Variants in ATP6V1C2 observed in about 807,000 individuals in gnomAD.
The protein encoded by ATP6V1C2 is ATPase H+ transporting V1 subunit C2.
A neutral mutation model predicts 56.8 loss-of-function variants in ATP6V1C2; 45 were observed. The observed-to-expected ratio is 0.79, with a 90% confidence interval of 0.62 to 1.02. The LOEUF is 1.02. ATP6V1C2 is among the 50% of genes least tolerant of loss of function. ATP6V1C2 has a pLI of 0.00. For missense variants in ATP6V1C2, 463 were observed against 519.7 expected, an observed-to-expected ratio of 0.89 and a Z score of 1.06; for synonymous variants, 220 against 201.3, an observed-to-expected ratio of 1.09 and a Z score of -0.79.
chr2:10,732,967 C>CAA lies in ATP6V1C2; in HGVS notation c.197+6410_197+6411dup, dbSNP rs34565390. ...GCCTGACGACAGAGCAAGACTGTCT[C>CAA]AAAAAAAAAAAAAGAAAAAGAAATG... On this transcript the variant is annotated intron_variant, in intron 3 of 13. Transcript: ENST00000272238. 1.0e-3 allele frequency among the ~76,000 whole-genome samples: 126 copies of CAA among 126,086 alleles called. 1 individual carries two copies. The highest frequency in any genetic ancestry group is 4.6e-3 in the East Asian group (21 of 4,572). The allele number at this position is 126,086 out of a possible 152,430, so 82.7% of individuals were successfully genotyped here. A position where few individuals can be genotyped will look rare whatever the true frequency, so the allele number is the denominator to read the frequency against.
At chr2:10,740,748 G>A (rs1572524553) in intron 3 of ATP6V1C2, among the ~76,000 whole-genome samples, 2 of 152,254 alleles carry the variant, frequency 1.3e-5, no homozygotes, top group South Asian at 2.1e-4. Flanking sequence ...GTGCAGTGGC[G>A]CTGTGTCAGC....
chr2:10,759,098 A>G (rs1369475774), intron 4 of ATP6V1C2, among the ~76,000 whole-genome samples: 1 of 152,174 alleles, frequency 6.6e-6, no homozygotes, highest in Non-Finnish European at 1.5e-5. Flanking sequence ...TTGCATTTTA[A>G]TCCTATCTCC....
intron 3 of ATP6V1C2, among the ~76,000 whole-genome samples, chr2:10,749,299 G>A (rs531910829): frequency 1.3e-5 from 2 of 151,890 alleles, no homozygotes; most frequent in African/African-American, 2.4e-5. Flanking sequence ...GTTCAAGACC[G>A]GTCTGGGCAA....
At chr2:10,767,072 G>A (rs1664270076) in intron 5 of ATP6V1C2, among the ~76,000 whole-genome samples, 1 of 151,098 alleles carries the variant, frequency 6.6e-6, no homozygotes, top group South Asian at 2.1e-4. Flanking sequence ...TAAGAAAAAT[G>A]GCAAAATGTA....
At chr2:10,765,206 A>G (rs577119234) in intron 5 of ATP6V1C2, among the ~76,000 whole-genome samples, 1 of 152,236 alleles carries the variant, frequency 6.6e-6, no homozygotes, top group African/African-American at 2.4e-5. Context: ...CTGTTCAGCA[A>G]TGGCCTCCAC....
chr2:10,737,531 A>G (rs1384128472), intron 3 of ATP6V1C2, among the ~76,000 whole-genome samples: 1 of 152,076 alleles, frequency 6.6e-6, no homozygotes, highest in Admixed American at 6.5e-5. Flanking sequence ...TAAGTGTTTC[A>G]TGGGTGTCTG....
At position 10,780,256 on chromosome 2, in the gene ATP6V1C2, C is replaced by A. The variant is rs1665265227; in HGVS notation, c.1061+1587C>A. Reference sequence around the variant, plus strand: ...CCTCCTCATCCTTCCCCTTATCAGACCCCAAACTTCAGGGTCAGTTTAGAC... The same window carrying A: ...CCTCCTCATCCTTCCCCTTATCAGAACCCAAACTTCAGGGTCAGTTTAGAC... On this transcript the variant is annotated intron_variant, in intron 12 of 13. Coordinates refer to ENST00000272238, the MANE Select transcript of ATP6V1C2 (RefSeq NM_001039362.2). The surrounding 1 kb of genome is among the most constrained non-coding windows in gnomAD (Gnocchi z 4.1). Among the ~76,000 whole-genome samples the A allele has an allele frequency of 1.3e-5, 2 of 152,200 alleles. No individual in the cohort carries two copies. Among genetic ancestry groups the A allele is most frequent in the Non-Finnish European group, 2.9e-5 (2 of 68,040 alleles).
chr2:10,735,039 C>T (rs946936291), intron 3 of ATP6V1C2, among the ~76,000 whole-genome samples: 1 of 151,846 alleles, frequency 6.6e-6, no homozygotes, highest in Non-Finnish European at 1.5e-5. Context: ...GAGCCGTGAT[C>T]GAGCCATTGC....
At chr2:10,777,095 T>G (rs905781273) in intron 10 of ATP6V1C2, among the ~76,000 whole-genome samples, 1 of 152,232 alleles carries the variant, frequency 6.6e-6, no homozygotes, top group African/African-American at 2.4e-5. Context: ...CCCACCTGTT[T>G]GCAGAGACAG....
At chr2:10,764,494 C>T (rs1664110246) in intron 5 of ATP6V1C2, 69 bp downstream of exon 5, 8 of 1,362,262 alleles carry the variant, frequency 5.9e-6, no homozygotes, top group Admixed American at 1.7e-5. Context: ...TGGGTAGGGC[C>T]CCCCTGCCAA....
chr2:10,742,762 C>T (rs929086060), intron 3 of ATP6V1C2, among the ~76,000 whole-genome samples: 2 of 152,160 alleles, frequency 1.3e-5, no homozygotes, highest in African/African-American at 4.8e-5. Flanking sequence ...GTTTAGAAAT[C>T]AGCAGGGCTA....
intron 3 of ATP6V1C2, among the ~76,000 whole-genome samples, chr2:10,748,776 T>C (rs1273353309): frequency 6.6e-6 from 1 of 151,954 alleles, no homozygotes; most frequent in Non-Finnish European, 1.5e-5. Context: ...GCTCTCTGAG[T>C]CTTAATTTTT....
intron 3 of ATP6V1C2, among the ~76,000 whole-genome samples, chr2:10,729,172 C>CTTTTTTTTT (rs372762251): frequency 0.075 from 10,881 of 144,388 alleles, 913 homozygotes; most frequent in East Asian, 0.37. Flanking sequence ...CATTGGAAAA[C>CTTTTTTTTT]TTTTTTTTTT....
intron 3 of ATP6V1C2, among the ~76,000 whole-genome samples, chr2:10,730,589 G>A (rs1284744441): frequency 7.2e-6 from 1 of 139,476 alleles, no homozygotes; most frequent in East Asian, 2.1e-4. Flanking sequence ...TCACCAAGTA[G>A]TTTGCTGTTC....
At chr2:10,757,048 T>C (rs1185828600) in intron 4 of ATP6V1C2, among the ~76,000 whole-genome samples, 1 of 138,276 alleles carries the variant, frequency 7.2e-6, no homozygotes, top group East Asian at 2.3e-4. Flanking sequence ...AGTCTCACTC[T>C]GTTACCCAGG....
At chr2:10,742,719 A>G (rs1662625806) in intron 3 of ATP6V1C2, among the ~76,000 whole-genome samples, 2 of 152,116 alleles carry the variant, frequency 1.3e-5, no homozygotes, top group African/African-American at 4.8e-5. Context: ...CCCCAGGGCC[A>G]TTCTACCACC....
chr2:10,771,167 C>T (rs1664575394), intron 6 of ATP6V1C2, among the ~76,000 whole-genome samples: 1 of 152,232 alleles, frequency 6.6e-6, no homozygotes, highest in Non-Finnish European at 1.5e-5. Context: ...AAAGCTTTGG[C>T]CATGGCTCAA....
intron 4 of ATP6V1C2, among the ~76,000 whole-genome samples, chr2:10,761,713 T>C (rs1203055402): frequency 6.6e-6 from 1 of 152,212 alleles, no homozygotes; most frequent in Non-Finnish European, 1.5e-5. Context: ...GGTGCCTGTA[T>C]GAGGACAGGG....
chr2:10,737,570 C>T (rs896267758), intron 3 of ATP6V1C2, among the ~76,000 whole-genome samples: 11 of 152,072 alleles, frequency 7.2e-5, no homozygotes, highest in Non-Finnish European at 1.0e-4. Context: ...GTTTTCATTG[C>T]GTAGCATTGA....
Sources: allele counts gnomAD v4.1 joint callset (sites outside exome capture counted in the v4.1 genomes callset), GRCh38; gene constraint gnomAD v4.1.1; non-coding constraint Gnocchi (gnomAD v3.1); transcripts MANE v1.5; gene names NCBI Gene and HGNC (gene_info 2026-07-23, HGNC 2026-07-21).